CD82: variants seen among roughly 807,000 people sequenced by gnomAD.
CD82 encodes the protein CD82 molecule.
Under a neutral mutation model 37.4 loss-of-function variants are expected in CD82, and 36 were observed. That is an observed-to-expected ratio of 0.96 (90% CI 0.74 to 1.27). The LOEUF is 1.27. CD82 is among the 50% of genes most tolerant of loss of function. CD82 has a pLI of 0.00. For synonymous variants in CD82, 158 were observed against 137.4 expected (o/e 1.15, Z -1.05); for missense variants, 340 against 347.0 (o/e 0.98, Z 0.16).
intron 7 of CD82, among the ~76,000 whole-genome samples, chr11:44,617,760 C>A (rs910308115): frequency 6.6e-6 from 1 of 152,172 alleles, no homozygotes; most frequent in Non-Finnish European, 1.5e-5. Context: ...CTTGTGATAG[C>A]CCTGTGAGTT....
At chr11:44,594,238 T>G (rs2134655128) in intron 2 of CD82, among the ~76,000 whole-genome samples, 1 of 152,248 alleles carries the variant, frequency 6.6e-6, no homozygotes, top group East Asian at 1.9e-4. Flanking sequence ...AGGGAGTCTG[T>G]GGAACAAGCA....
chr11:44,576,145 T>C (rs1852888932), intron 1 of CD82, among the ~76,000 whole-genome samples: 1 of 152,232 alleles, frequency 6.6e-6, no homozygotes, highest in South Asian at 2.1e-4. Flanking sequence ...CAGCAGTTTA[T>C]GTTCCCAGTT....
chr11:44,564,542 C>T (rs77461641), upstream of CD82: 345 of 455,708 alleles, frequency 7.6e-4, 3 homozygotes, highest in East Asian at 0.018. Flanking sequence ...CCTGGGAGGG[C>T]AGAGGGCTGG....
At chr11:44,603,257 G>A (rs1310006569) in intron 4 of CD82, among the ~76,000 whole-genome samples, 2 of 152,166 alleles carry the variant, frequency 1.3e-5, no homozygotes, top group Non-Finnish European at 2.9e-5. Flanking sequence ...GAGTAGGGTT[G>A]GCCAGGGCTC....
intron 4 of CD82, among the ~76,000 whole-genome samples, chr11:44,603,604 A>T (rs1158659975): frequency 6.6e-6 from 1 of 152,176 alleles, no homozygotes; most frequent in Non-Finnish European, 1.5e-5. Context: ...TCTGATCCAC[A>T]CTACTCTCCA....
intron 6 of CD82, among the ~76,000 whole-genome samples, chr11:44,613,020 G>A (rs542371717): frequency 2.0e-5 from 3 of 152,232 alleles, no homozygotes; most frequent in East Asian, 3.9e-4. Flanking sequence ...TGAGCACAGC[G>A]TTCATTCAAG....
chr11:44,618,741 C>T lies in CD82; in HGVS notation c.726+18C>T. The T allele has an allele frequency of 6.3e-7, 1 of 1,599,658 alleles. No homozygotes were observed. Among genetic ancestry groups the T allele is most frequent in the Non-Finnish European group, 8.6e-7 (1 of 1,168,102 alleles). ...TCATCGAGGTCTGAGCCCCCTCCCC[C>T]ATCCCTTCTCCATCCCAGGTCCTCC... On this transcript the variant is annotated intron_variant, in intron 9 of 9. Coordinates refer to ENST00000227155, the MANE Select transcript of CD82 (RefSeq NM_002231.4).
At chr11:44,570,167 T>C (rs1033570079) in intron 1 of CD82, among the ~76,000 whole-genome samples, 2 of 152,190 alleles carry the variant, frequency 1.3e-5, no homozygotes, top group African/African-American at 4.8e-5. Context: ...TGGCTCTTCC[T>C]GGGGGTGGCT....
chr11:44,617,585 C>T (rs1378271579), intron 7 of CD82, among the ~76,000 whole-genome samples: 4 of 143,394 alleles, frequency 2.8e-5, no homozygotes, highest in Admixed American at 6.9e-5. Context: ...AAAAAAAAGG[C>T]GGAATTGACC....
intron 1 of CD82, among the ~76,000 whole-genome samples, chr11:44,577,292 C>T (rs1852907219): frequency 6.6e-6 from 1 of 152,204 alleles, no homozygotes; most frequent in East Asian, 1.9e-4. Context: ...TCCAGACTCT[C>T]ACACATGGGT....
At chr11:44,602,681 A>T (rs3837392) in intron 4 of CD82, among the ~76,000 whole-genome samples, 44,227 of 141,306 alleles carry the variant, frequency 0.31, 8,039 homozygotes, top group African/African-American at 0.54. Flanking sequence ...TGAAAAAAAA[A>T]TTTTTTTTTC....
At chr11:44,578,831 G>A (rs1288375907) in intron 1 of CD82, among the ~76,000 whole-genome samples, 1 of 152,200 alleles carries the variant, frequency 6.6e-6, no homozygotes, top group African/African-American at 2.4e-5. Flanking sequence ...TGTCCCCACT[G>A]CACAGATAGG....
intron 1 of CD82, chr11:44,584,998 C>T: frequency 5.8e-6 from 2 of 345,878 alleles, no homozygotes; most frequent in Admixed American, 3.8e-5. Flanking sequence ...CTGGGCAGAC[C>T]GAGCTCCCAC....
rs758720179 is a variant in CD82 at position 44,605,165 on chromosome 11, C to G, written c.244C>G (p.Arg82Gly). Residue 82 changes from arginine (R) to glycine (G), a missense_variant, in exon 5 of 10, where the codon CGC (arginine) becomes GGC (glycine). By Grantham distance (125) the Arg-to-Gly change is moderately radical (BLOSUM62 -2). Transcript: ENST00000227155. ...LGCIGAVNEV[R>G]CLLGLYFAFL... ...CTGCATCGGCGCCGTCAACGAGGTC[C>G]GCTGCCTGCTGGGGCTGGTGAGTAC... is the stretch of plus-strand genomic sequence containing the variant. 1.6e-5 allele frequency: 26 copies of G among 1,613,978 alleles called. 1 individual carries two copies. The South Asian group carries it at 2.6e-4, about 16-fold the overall frequency.
chr11:44,586,751 C>A (rs1418251149), intron 1 of CD82, among the ~76,000 whole-genome samples: 1 of 152,200 alleles, frequency 6.6e-6, no homozygotes, highest in Non-Finnish European at 1.5e-5. Context: ...GGATCAGAAA[C>A]CTCCAGCTGC....
intron 2 of CD82, among the ~76,000 whole-genome samples, chr11:44,593,198 G>C (rs536518629): frequency 2.0e-5 from 3 of 152,388 alleles, no homozygotes; most frequent in South Asian, 4.1e-4. Context: ...TAGGGAACCT[G>C]TGTGTAGCCG....
intron 3 of CD82, among the ~76,000 whole-genome samples, chr11:44,595,629 T>C (rs1329730572): frequency 1.3e-5 from 2 of 152,218 alleles, no homozygotes; most frequent in Non-Finnish European, 2.9e-5. Context: ...TTGGGATTCT[T>C]GGGAATTTTG....
At chr11:44,609,038 GTTCCTGCTGCCCTCGT>G (rs571219976) in intron 6 of CD82, among the ~76,000 whole-genome samples, 1 of 152,368 alleles carries the variant, frequency 6.6e-6, no homozygotes, top group Non-Finnish European at 1.5e-5. Context: ...GGTGGCAGCT[GTTCCTGCTGCCCTCGT>G]TGTCAGCAGA....
intron 1 of CD82, among the ~76,000 whole-genome samples, chr11:44,576,514 G>A (rs1015817741): frequency 1.3e-5 from 2 of 152,190 alleles, no homozygotes; most frequent in African/African-American, 2.4e-5. Context: ...TGTGGAGTAA[G>A]CAGCCTCTGC....
Sources: allele counts gnomAD v4.1 joint callset (sites outside exome capture counted in the v4.1 genomes callset), GRCh38; gene constraint gnomAD v4.1.1; transcripts MANE v1.5; gene names NCBI Gene and HGNC (gene_info 2026-07-23, HGNC 2026-07-21).